The following C19orf12 variants were observed in gnomAD, a reference collection of about 807,000 sequenced individuals.
The protein encoded by C19orf12 is protein C19orf12.
In C19orf12, 2 loss-of-function variants were observed where a neutral mutation model predicts 3.8. The observed-to-expected ratio is 0.53, with a 90% CI of 0.22 to 1.66. C19orf12 has a LOEUF of 1.66. Ranked by LOEUF, C19orf12 falls within the 40% of genes most tolerant of loss-of-function variation. The pLI is 0.20. For missense variants in C19orf12, 156 were observed against 188.8 expected, an observed-to-expected ratio of 0.83 and a Z score of 1.02; for synonymous variants, 89 against 84.6, an observed-to-expected ratio of 1.05 and a Z score of -0.28.
intron 2 of C19orf12, among the ~76,000 whole-genome samples, chr19:29,704,836 T>A (rs1472885242): frequency 1.3e-5 from 2 of 152,218 alleles, no homozygotes; most frequent in South Asian, 2.1e-4. Context: ...TTGAATCGCA[T>A]GGACCTTCCG....
rs1972902907 is a variant in C19orf12 at position 29,715,257 on chromosome 19, G to A, written c.-143C>T. ...CGCGCAGGCCTTGGTGGCGGCCCCG[G>A]CGCTGGCCCCGCCCTCCGTCCCACC... On this transcript the variant is annotated 5_prime_UTR_variant, in exon 1 of 3. Coordinates refer to ENST00000323670, the MANE Select transcript of C19orf12 (RefSeq NM_031448.6). 1 of 390,020 alleles carries A rather than the reference G, an allele frequency of 2.6e-6. No individual in the cohort carries two copies. Among genetic ancestry groups the A allele is most frequent in the Non-Finnish European group, 4.9e-6 (1 of 205,078 alleles). The allele number at this position is 390,020 out of a possible 1,614,324, so 24.2% of individuals were successfully genotyped here.
At chr19:29,705,525 T>TTG in intron 2 of C19orf12, 25 of 259,072 alleles carry the variant, frequency 9.6e-5, no homozygotes, top group Middle Eastern at 3.2e-3. Flanking sequence ...TTTTTTTTTT[T>TTG]CCTTAGACAG....
At chr19:29,703,603 T>G (rs1476498694) in intron 2 of C19orf12, among the ~76,000 whole-genome samples, 1 of 151,874 alleles carries the variant, frequency 6.6e-6, no homozygotes. Flanking sequence ...GGTCTTGAAC[T>G]CCTGACCTCA....
In C19orf12 at chr19:29,702,379, C is replaced by A; in HGVS notation, c.*333G>T. ...AAGTGTGGTCAGACCGTCGGCTGAG[C>A]GTGATCACTTCCCCAGACCCATGCG... On this transcript the variant is annotated 3_prime_UTR_variant, in exon 3 of 3. Coordinates refer to ENST00000323670, the MANE Select transcript of C19orf12 (RefSeq NM_031448.6). The A allele has an allele frequency of 1.9e-6, 1 of 534,370 alleles. No individual in the cohort carries two copies. The highest frequency in any genetic ancestry group is 3.6e-6 in the Non-Finnish European group (1 of 279,368). The allele number at this position is 534,370 out of a possible 1,614,324, so 33.1% of individuals were successfully genotyped here.
rs34101444 is a variant in C19orf12, at chr19:29,705,402, CA to C, written c.161-2426del. On this transcript the variant is annotated intron_variant, in intron 2 of 2. Coordinates refer to ENST00000323670, the MANE Select transcript of C19orf12 (RefSeq NM_031448.6). Reference sequence around the variant, plus strand: ...GGTGTCTTAGACTGGATCCTGAAACCAAAAAAAAAAAAAAAAAAAAAAGGCC... The same window carrying C: ...GGTGTCTTAGACTGGATCCTGAAACCAAAAAAAAAAAAAAAAAAAAAGGCC... 23,986 of 110,962 alleles carry C rather than the reference CA, an allele frequency of 0.22. 954 individuals are homozygous for C. Among genetic ancestry groups the C allele is most frequent in the African/African-American group, 0.4 (8,705 of 21,726 alleles). 6.9% of individuals were successfully genotyped at this position (110,962 alleles called of 1,614,324 possible).
At chr19:29,711,772 C>T (rs1460256987) in intron 1 of C19orf12, among the ~76,000 whole-genome samples, 1 of 152,028 alleles carries the variant, frequency 6.6e-6, no homozygotes, top group African/African-American at 2.4e-5. Context: ...ACTGGCTTCC[C>T]CCCCCAAAAA....
upstream of C19orf12, chr19:29,715,295 C>A (rs1397171489): frequency 2.5e-6 from 1 of 397,320 alleles, no homozygotes; most frequent in Non-Finnish European, 4.9e-6. Flanking sequence ...CCGGCTGCGC[C>A]GGGCCTTCCG....
chr19:29,708,684 G>A (rs986548640), intron 1 of C19orf12: 11 of 523,954 alleles, frequency 2.1e-5, no homozygotes, highest in Non-Finnish European at 3.1e-5. Flanking sequence ...TCTGACTTAC[G>A]ACAGATTAAG....
intron 1 of C19orf12, 140 bp from the exon 2 acceptor site, chr19:29,708,563 A>T: frequency 7.6e-6 from 8 of 1,055,152 alleles, no homozygotes; most frequent in Non-Finnish European, 1.1e-5. Flanking sequence ...TGTATGACAG[A>T]CAGCATCCAG....
At chr19:29,710,920 G>A (rs1471026037) in intron 1 of C19orf12, among the ~76,000 whole-genome samples, 1 of 151,998 alleles carries the variant, frequency 6.6e-6, no homozygotes, top group African/African-American at 2.4e-5. Context: ...ACAGGCAGAA[G>A]CCACCTGGAA....
upstream of C19orf12, chr19:29,715,439 G>T: frequency 4.9e-6 from 2 of 406,150 alleles, no homozygotes. Context: ...GGCTTGGGTT[G>T]CGGGTGGCGT....
In C19orf12 at chr19:29,702,296, A is replaced by C. The variant is rs1972129820; in HGVS notation, c.*416T>G. On this transcript the variant is annotated 3_prime_UTR_variant, in exon 3 of 3. Transcript: ENST00000323670. The stretch of plus-strand genomic sequence containing the variant: ...GCAGGGGGGTGGGATCCAGTCCTGC[A>C]GCAGGTGCTCTGAAGAGGAGTCATC... 6.5e-6 allele frequency: 3 copies of C among 460,116 alleles called. No homozygotes were observed. The highest frequency in any genetic ancestry group is 3.1e-5 in the South Asian group (2 of 64,534). 28.5% of individuals were successfully genotyped at this position (460,116 alleles called of 1,614,324 possible).
intron 1 of C19orf12, among the ~76,000 whole-genome samples, chr19:29,713,731 T>C (rs755916011): frequency 6.6e-6 from 1 of 152,158 alleles, no homozygotes; most frequent in African/African-American, 2.4e-5. Flanking sequence ...AGATTCCTGA[T>C]TTCTCCTGAA....
chr19:29,701,309 G>C lies in C19orf12; in HGVS notation c.*1403C>G, dbSNP rs1268718745. 2.2e-6 allele frequency: 1 copy of C among 454,114 alleles called. No individual in the cohort carries two copies. The highest frequency in any genetic ancestry group is 1.6e-5 in the South Asian group (1 of 64,480). The allele number at this position is 454,114 out of a possible 1,614,324, so 28.1% of individuals were successfully genotyped here. A position where few individuals can be genotyped will look rare whatever the true frequency, so the allele number is the denominator to read the frequency against. ...TCAACCCTCAGACACCGACATCTGA[G>C]GATGCTCAAGTCCCTGATGGGCAAT... On this transcript the variant is annotated 3_prime_UTR_variant, in exon 3 of 3. Transcript: ENST00000323670.
chr19:29,701,488 G>A lies in C19orf12; in HGVS notation c.*1224C>T, dbSNP rs1334631689. ...TGGCAAGAAAAAAAGGTCTGTACGT[G>A]TTCAGTACCAATGCAATTTCTTTTT... is the stretch of plus-strand genomic sequence containing the variant. On this transcript the variant is annotated 3_prime_UTR_variant, in exon 3 of 3. Coordinates refer to ENST00000323670, the MANE Select transcript of C19orf12 (RefSeq NM_031448.6). 2 of 454,128 alleles carry A rather than the reference G, an allele frequency of 4.4e-6. No homozygotes were observed. Among genetic ancestry groups the A allele is most frequent in the Middle Eastern group, 6.9e-4 (1 of 1,444 alleles). 28.1% of individuals were successfully genotyped at this position (454,128 alleles called of 1,614,324 possible).
rs1403071232 is a variant in C19orf12 at position 29,701,455 on chromosome 19, G to C, written c.*1257C>G. On this transcript the variant is annotated 3_prime_UTR_variant, in exon 3 of 3. Transcript: ENST00000323670. ...TAAATATGCTACACCATATTGTTTA[G>C]GGAATAATGGCAAGAAAAAAAGGTC... 2.2e-6 allele frequency: 1 copy of C among 453,956 alleles called. No individual in the cohort carries two copies. The highest frequency in any genetic ancestry group is 4.4e-6 in the Non-Finnish European group (1 of 226,800). 28.1% of individuals were successfully genotyped at this position (453,956 alleles called of 1,614,324 possible). A position where few individuals can be genotyped will look rare whatever the true frequency, so the allele number is the denominator to read the frequency against.
rs1223024780 is a variant in C19orf12 at position 29,699,098 on chromosome 19, C to A, written c.*3614G>T. ...ATTTACAAGGAATTTTAAATTACATCAAAAATATTATTTAACATTCATTGA... is the reference window on the plus strand; with the variant it reads ...ATTTACAAGGAATTTTAAATTACATAAAAAATATTATTTAACATTCATTGA... On this transcript the variant is annotated 3_prime_UTR_variant, in exon 3 of 3. Transcript: ENST00000323670. 4.4e-6 allele frequency: 2 copies of A among 453,746 alleles called. No homozygotes were observed. The highest frequency in any genetic ancestry group is 8.8e-6 in the Non-Finnish European group (2 of 226,736). 28.1% of individuals were successfully genotyped at this position (453,746 alleles called of 1,614,324 possible). A position where few individuals can be genotyped will look rare whatever the true frequency, so the allele number is the denominator to read the frequency against.
chr19:29,715,382 AC>A, upstream of C19orf12: 3 of 388,926 alleles, frequency 7.7e-6, no homozygotes, highest in South Asian at 1.7e-5. Context: ...GCTGCTGGGC[AC>A]CCCCTCCCCG....
chr19:29,700,948 G>C lies in C19orf12; in HGVS notation c.*1764C>G, dbSNP rs1483113949. The C allele has an allele frequency of 2.4e-5, 11 of 453,820 alleles. No homozygotes were observed. The highest frequency in any genetic ancestry group is 4.9e-5 in the Non-Finnish European group (11 of 226,680). The allele number at this position is 453,820 out of a possible 1,614,324, so 28.1% of individuals were successfully genotyped here. A position where few individuals can be genotyped will look rare whatever the true frequency, so the allele number is the denominator to read the frequency against. On this transcript the variant is annotated 3_prime_UTR_variant, in exon 3 of 3. Coordinates refer to ENST00000323670, the MANE Select transcript of C19orf12 (RefSeq NM_031448.6). ...GAATAACATTTTTTGTAGAGATGGAGGTCTCACTATATTGCCCAGGCTAGT... is the reference window on the plus strand; with the variant it reads ...GAATAACATTTTTTGTAGAGATGGACGTCTCACTATATTGCCCAGGCTAGT...
Sources: allele counts gnomAD v4.1 joint callset (sites outside exome capture counted in the v4.1 genomes callset), GRCh38; gene constraint gnomAD v4.1.1; transcripts MANE v1.5; gene names NCBI Gene and HGNC (gene_info 2026-07-23, HGNC 2026-07-21).